The following DOCK2 variants were observed in gnomAD, a reference collection of about 807,000 sequenced individuals.
DOCK2 encodes dedicator of cytokinesis protein 2.
Under a neutral mutation model 248.9 loss-of-function variants are expected in DOCK2, and 87 were observed. That is an observed-to-expected ratio of 0.35 (90% CI 0.29 to 0.42). DOCK2 has a LOEUF of 0.42. DOCK2 is among the 10% of genes least tolerant of loss of function. DOCK2 has a pLI of 1.00. For missense variants in DOCK2, 1,747 were observed against 2,300.2 expected (o/e 0.76, Z 4.92); for synonymous variants, 805 against 821.6 (o/e 0.98, Z 0.35).
At position 169,886,285 on chromosome 5, in the gene DOCK2, G is replaced by T. The variant is rs190912642; in HGVS notation, c.2799+45433G>T. Among the ~76,000 whole-genome samples, 104 of 152,294 alleles carry T rather than the reference G, an allele frequency of 6.8e-4. 1 individual carries two copies. The highest frequency in any genetic ancestry group is 2.3e-3 in the African/African-American group (95 of 41,560). On this transcript the variant is annotated intron_variant, in intron 27 of 51. Coordinates refer to ENST00000520908, the MANE Select transcript of DOCK2 (RefSeq NM_004946.3). ...AGAGCAGGGTTGGCTTCTGAGAGTG[G>T]CATTGTCACATACCTCTCTGAGGAG... is the stretch of plus-strand genomic sequence containing the variant.
chr5:169,847,732 G>A (rs1204885465), intron 27 of DOCK2, among the ~76,000 whole-genome samples: 2 of 152,180 alleles, frequency 1.3e-5, no homozygotes, highest in Non-Finnish European at 2.9e-5. Flanking sequence ...ATTGGGGATG[G>A]CTGCCTGTAG....
intron 29 of DOCK2, among the ~76,000 whole-genome samples, chr5:169,995,684 C>A (rs142554416): frequency 8.5e-5 from 13 of 152,090 alleles, no homozygotes; most frequent in African/African-American, 3.1e-4. Context: ...GTAGGGAGAC[C>A]CTTGAAATTA....
At position 169,792,350 on chromosome 5, in the gene DOCK2, A is replaced by ATGTG. The variant is rs34026894; in HGVS notation, c.2555-10698_2555-10695dup. 3.3e-3 allele frequency among the ~76,000 whole-genome samples: 488 copies of ATGTG among 149,452 alleles called. 15 individuals carry two copies. The East Asian group carries it at 0.074, about 23-fold the overall frequency. On this transcript the variant is annotated intron_variant, in intron 25 of 51. Transcript: ENST00000520908. The stretch of plus-strand genomic sequence containing the variant: ...CTAAAAATCTTGCTTTATTTATGTA[A>ATGTG]TGTGTGTGTGTGTATATATATATTT...
At position 169,699,372 on chromosome 5, in the gene DOCK2, T is replaced by C. The variant is rs1017186703; in HGVS notation, c.1056-10T>C. 3 of 1,612,380 alleles carry C rather than the reference T, an allele frequency of 1.9e-6. No individual in the cohort carries two copies. Among genetic ancestry groups the C allele is most frequent in the Non-Finnish European group, 2.5e-6 (3 of 1,179,124 alleles). On this transcript the variant is annotated splice_polypyrimidine_tract_variant and intron_variant, in intron 11 of 51. Transcript: ENST00000520908. ...GATGTGGACATTTCATGCTCTCTTT[T>C]CCTTTCCAGGGTTACAGCTGAGAAT...
chr5:169,804,706 G>T (rs1767245576), intron 26 of DOCK2, among the ~76,000 whole-genome samples: 1 of 152,080 alleles, frequency 6.6e-6, no homozygotes, highest in African/African-American at 2.4e-5. Flanking sequence ...GAAATTCATA[G>T]ACTTCATTAG....
In DOCK2 at chr5:170,069,139, C is replaced by T; in HGVS notation, c.4647C>T (p.Ala1549=). 1 of 1,613,768 alleles carries T rather than the reference C, an allele frequency of 6.2e-7. No homozygotes were observed. The highest frequency in any genetic ancestry group is 8.5e-7 in the Non-Finnish European group (1 of 1,179,836). ...GACCTCCTATCTGTCCTCCCCAGGC[C>T]TTCTTCACTGAAGAGTATGTCAGGG... ...VMGGFAKYEK[A]FFTEEYVRDH... is the part of the protein sequence containing the mutation. Residue 1549 remains alanine, a splice_region_variant and synonymous_variant, in exon 46 of 52, where the codon GCC becomes GCT. Coordinates refer to ENST00000520908, the MANE Select transcript of DOCK2 (RefSeq NM_004946.3).
intron 22 of DOCK2, among the ~76,000 whole-genome samples, chr5:169,744,916 A>C (rs893856306): frequency 6.6e-6 from 1 of 152,168 alleles, no homozygotes; most frequent in Non-Finnish European, 1.5e-5. Flanking sequence ...CACCACACAC[A>C]CAGGTACACC....
chr5:169,966,078 G>A (rs935171462), intron 27 of DOCK2, among the ~76,000 whole-genome samples: 8 of 152,172 alleles, frequency 5.3e-5, no homozygotes, highest in African/African-American at 1.4e-4. Context: ...TGCCAATCTC[G>A]AAATGGCAAT....
chr5:169,810,212 CTTCTT>C (rs1312281659), intron 26 of DOCK2, among the ~76,000 whole-genome samples: 1 of 152,074 alleles, frequency 6.6e-6, no homozygotes, highest in African/African-American at 2.4e-5. Flanking sequence ...TTCTTTTTGC[CTTCTT>C]TTCTTGTGCG....
chr5:170,008,447 T>G, intron 30 of DOCK2, 50 bp from the exon 31 acceptor site: 1 of 1,599,648 alleles, frequency 6.3e-7, no homozygotes, highest in Non-Finnish European at 8.6e-7. Context: ...CGCTTATGCC[T>G]TCCCGCTTCA....
At position 169,702,517 on chromosome 5, in the gene DOCK2, G is replaced by A. The variant is rs867247741; in HGVS notation, c.1383+90G>A. 1.3e-5 allele frequency: 21 copies of A among 1,563,846 alleles called. No individual in the cohort carries two copies. In the Middle Eastern group the frequency reaches 1.1e-3, roughly 82 times the overall value. On this transcript the variant is annotated intron_variant, in intron 14 of 51. Coordinates refer to ENST00000520908, the MANE Select transcript of DOCK2 (RefSeq NM_004946.3). ...TACTTTTCCTCTCCCTGATTCTGTT[G>A]TCTAAATGCCAGGTGCCTTTGGGAT...
chr5:169,759,061 G>A (rs1764339974), intron 23 of DOCK2, among the ~76,000 whole-genome samples: 1 of 152,222 alleles, frequency 6.6e-6, no homozygotes, highest in Admixed American at 6.5e-5. Context: ...TATGCAGGGG[G>A]TGAGTGTGGC....
intron 27 of DOCK2, among the ~76,000 whole-genome samples, chr5:169,904,308 C>A (rs918324685): frequency 8.0e-5 from 11 of 137,480 alleles, no homozygotes; most frequent in African/African-American, 3.3e-4. Flanking sequence ...GCTAGTTGTC[C>A]CTTCCTTTTT....
intron 34 of DOCK2, among the ~76,000 whole-genome samples, chr5:170,031,886 C>G (rs1756148604): frequency 6.6e-6 from 1 of 152,220 alleles, no homozygotes; most frequent in Admixed American, 6.5e-5. Context: ...ACCCGCAGCA[C>G]TGGTATCACC....
chr5:169,924,092 G>T (rs1039244022), intron 27 of DOCK2, among the ~76,000 whole-genome samples: 2 of 152,124 alleles, frequency 1.3e-5, no homozygotes, highest in Non-Finnish European at 2.9e-5. Context: ...TCCCTGCCCT[G>T]CTGTGCCCCC....
chr5:169,688,345 T>C (rs964477867), intron 8 of DOCK2, among the ~76,000 whole-genome samples: 1 of 152,224 alleles, frequency 6.6e-6, no homozygotes, highest in Non-Finnish European at 1.5e-5. Context: ...CTTTATTTCA[T>C]GTCATTTCCT....
At chr5:169,736,069 GAA>G (rs1343129765) in intron 22 of DOCK2, among the ~76,000 whole-genome samples, 4 of 152,072 alleles carry the variant, frequency 2.6e-5, no homozygotes. Flanking sequence ...AGAACAGCAA[GAA>G]GGGAATCTGC....
At chr5:169,752,966 G>C (rs1395009864) in intron 23 of DOCK2, among the ~76,000 whole-genome samples, 2 of 152,158 alleles carry the variant, frequency 1.3e-5, no homozygotes, top group African/African-American at 4.8e-5. Flanking sequence ...TCGGGAGGCT[G>C]AGGTAGGAGA....
chr5:170,068,632 C>T (rs973356962), intron 45 of DOCK2, among the ~76,000 whole-genome samples: 2 of 152,192 alleles, frequency 1.3e-5, no homozygotes, highest in Non-Finnish European at 2.9e-5. Context: ...AGGACATGAG[C>T]CCCAGAAAGG....
Sources: allele counts gnomAD v4.1 joint callset (sites outside exome capture counted in the v4.1 genomes callset), GRCh38; gene constraint gnomAD v4.1.1; transcripts MANE v1.5; gene names NCBI Gene and HGNC (gene_info 2026-07-23, HGNC 2026-07-21).